Variants in RAC2 observed in about 807,000 individuals in gnomAD.
The protein encoded by RAC2 is Rac family small GTPase 2.
Under a neutral mutation model 24.0 loss-of-function variants are expected in RAC2, and 1 was observed. The ratio of observed to expected loss-of-function variants is 0.04; its 90% CI spans 0.01 to 0.20. The LOEUF (loss-of-function observed/expected upper bound fraction) is 0.20. Among genes scored for constraint, RAC2 ranks in the 10% least tolerant of loss-of-function variants. The pLI is 1.00. For synonymous variants in RAC2, 114 were observed against 106.8 expected (o/e 1.07, Z -0.41); for missense variants, 130 against 259.1 (o/e 0.50, Z 3.42).
rs1234797866 is a variant in RAC2, at chr22:37,232,278, G to A, written c.226-284C>T. 7.6e-6 allele frequency: 4 copies of A among 528,382 alleles called. No homozygotes were observed. In the East Asian group the frequency reaches 1.4e-4, roughly 18 times the overall value. 32.7% of individuals were successfully genotyped at this position (528,382 alleles called of 1,614,324 possible). On this transcript the variant is annotated intron_variant, in intron 3 of 6. Transcript: ENST00000249071. ...GCCCCATTCCTCAGACAGGGAAAGT[G>A]AGGCTTCCAGAGGTTAAAGAGTTTG...
intron 3 of RAC2, chr22:37,232,537 C>G (rs1927097671): frequency 1.9e-6 from 1 of 523,212 alleles, no homozygotes; most frequent in Non-Finnish European, 3.5e-6. Context: ...ACCTGCCCCA[C>G]CACTGGAAAC....
In RAC2 at chr22:37,226,730, C is replaced by T. The variant is rs766780288; in HGVS notation, c.522G>A (p.Arg174=). 4 of 1,613,146 alleles carry T rather than the reference C, an allele frequency of 2.5e-6. No homozygotes were observed. The highest frequency in any genetic ancestry group is 4.5e-5 in the East Asian group (2 of 44,870). The part of the protein sequence containing the change: ...GLKTVFDEAI[R]AVLCPQPTRQ... The stretch of plus-strand genomic sequence containing the variant: ...GCGTGGGCTGAGGGCACAGCACGGC[C>T]CGGATGGCCTCGTCGAACACGGTTT... Residue 174 remains arginine (R), a synonymous_variant, in exon 6 of 7, where the codon CGG becomes CGA. Transcript: ENST00000249071.
intron 2 of RAC2, among the ~76,000 whole-genome samples, chr22:37,234,780 C>G (rs1295636286): frequency 6.6e-6 from 1 of 152,202 alleles, no homozygotes; most frequent in Non-Finnish European, 1.5e-5. Context: ...GGCTGCCCAG[C>G]CCTCCAAGCC....
chr22:37,244,071 C>T, intron 1 of RAC2, 43 bp downstream of exon 1: 2 of 1,613,298 alleles, frequency 1.2e-6, no homozygotes, highest in Non-Finnish European at 8.5e-7. Flanking sequence ...GATCTCAGGG[C>T]ATCCCAGTTG....
intron 5 of RAC2, among the ~76,000 whole-genome samples, chr22:37,228,306 A>G (rs921349315): frequency 3.3e-5 from 5 of 152,224 alleles, no homozygotes; most frequent in African/African-American, 1.2e-4. Context: ...AAGACCCCTC[A>G]GGGCTAGAGC....
In RAC2 at chr22:37,230,512, G is replaced by A. The variant is rs77225760; in HGVS notation, c.448+719C>T. Reference sequence around the variant, plus strand: ...GCATGAAGCCAGACCCATGGTCATCGCCTCCCTGATGCAGGCAGCCCTGAG... The same window carrying A: ...GCATGAAGCCAGACCCATGGTCATCACCTCCCTGATGCAGGCAGCCCTGAG... On this transcript the variant is annotated intron_variant, in intron 5 of 6. Coordinates refer to ENST00000249071, the MANE Select transcript of RAC2 (RefSeq NM_002872.5). Among the ~76,000 whole-genome samples the A allele has an allele frequency of 5.7e-3, 868 of 152,190 alleles. 8 individuals are homozygous for A. Among genetic ancestry groups the A allele is most frequent in the African/African-American group, 0.02 (821 of 41,514 alleles).
chr22:37,231,492 C>T lies in RAC2; in HGVS notation c.289-102G>A. On this transcript the variant is annotated intron_variant, in intron 4 of 6. Coordinates refer to ENST00000249071, the MANE Select transcript of RAC2 (RefSeq NM_002872.5). The surrounding 1 kb of genome is among the most constrained non-coding windows in gnomAD (Gnocchi z 5.5). ...TGTGAGGGTGTAGGGAGAGGAGAGG[C>T]AGCAAGTTGCCAGAAGATCAGAGGT... 2 of 1,147,628 alleles carry T rather than the reference C, an allele frequency of 1.7e-6. No individual in the cohort carries two copies. The highest frequency in any genetic ancestry group is 2.6e-5 in the South Asian group (2 of 77,120). The allele number at this position is 1,147,628 out of a possible 1,614,324, so 71.1% of individuals were successfully genotyped here. A position where few individuals can be genotyped will look rare whatever the true frequency, so the allele number is the denominator to read the frequency against.
intron 5 of RAC2, among the ~76,000 whole-genome samples, chr22:37,229,881 G>A (rs1341268526): frequency 6.6e-6 from 1 of 152,180 alleles, no homozygotes; most frequent in East Asian, 1.9e-4. Context: ...TCAGAGCCAG[G>A]ACCAGAATCC....
At chr22:37,240,526 G>A (rs969247387) in intron 2 of RAC2, among the ~76,000 whole-genome samples, 3 of 150,176 alleles carry the variant, frequency 2.0e-5, no homozygotes, top group South Asian at 2.1e-4. Flanking sequence ...GGCTATGATC[G>A]ATCTTCCTGT....
chr22:37,229,738 G>C (rs1477011438), intron 5 of RAC2, among the ~76,000 whole-genome samples: 1 of 152,226 alleles, frequency 6.6e-6, no homozygotes, highest in Non-Finnish European at 1.5e-5. Context: ...AGAGGCCAAG[G>C]CAAGAACTCT....
intron 5 of RAC2, among the ~76,000 whole-genome samples, chr22:37,230,105 G>T (rs1171146375): frequency 1.3e-5 from 2 of 152,174 alleles, no homozygotes; most frequent in Non-Finnish European, 2.9e-5. Flanking sequence ...GTGGCCCTAG[G>T]ACAGGGGAAG....
At chr22:37,237,489 G>T (rs1033948045) in intron 2 of RAC2, among the ~76,000 whole-genome samples, 4 of 152,120 alleles carry the variant, frequency 2.6e-5, no homozygotes, top group African/African-American at 9.7e-5. Context: ...ACACACAGCG[G>T]CAGGAGCAGG....
In RAC2 at chr22:37,231,621, G is replaced by A. The variant is rs528903593; in HGVS notation, c.289-231C>T. ...GCATGATTGTAGGAAAGGAGGAGGC[G>A]AGGTTTTGTGCAGACATAAGAAGCA... is the stretch of plus-strand genomic sequence containing the variant. On this transcript the variant is annotated intron_variant, in intron 4 of 6. Transcript: ENST00000249071. The surrounding 1 kb of genome is among the most constrained non-coding windows in gnomAD (Gnocchi z 5.5). 27 of 605,270 alleles carry A rather than the reference G, an allele frequency of 4.5e-5. No homozygotes were observed. The highest frequency in any genetic ancestry group is 1.5e-4 in the Admixed American group (5 of 34,276). The allele number at this position is 605,270 out of a possible 1,614,324, so 37.5% of individuals were successfully genotyped here. A position where few individuals can be genotyped will look rare whatever the true frequency, so the allele number is the denominator to read the frequency against.
intron 3 of RAC2, 136 bp downstream of exon 3, chr22:37,232,665 G>T: frequency 1.4e-6 from 1 of 726,612 alleles, no homozygotes. Flanking sequence ...GGACATGCAA[G>T]GCAGGCAGAC....
At chr22:37,240,820 A>G in intron 2 of RAC2, 1 of 573,700 alleles carries the variant, frequency 1.7e-6, no homozygotes, top group East Asian at 2.9e-5. Flanking sequence ...TGTGGGGAGA[A>G]AAAGCACTAT....
chr22:37,227,842 C>T (rs541397475), intron 5 of RAC2, among the ~76,000 whole-genome samples: 10 of 152,042 alleles, frequency 6.6e-5, no homozygotes, highest in African/African-American at 7.3e-5. Flanking sequence ...TAATAGCGAG[C>T]GTGAACTCAG....
intron 2 of RAC2, chr22:37,241,025 G>A: frequency 1.4e-6 from 1 of 717,552 alleles, no homozygotes. Context: ...AGGAGTGATG[G>A]GGACCCCTGA....
chr22:37,230,226 A>T (rs953560364), intron 5 of RAC2, among the ~76,000 whole-genome samples: 3 of 132,366 alleles, frequency 2.3e-5, no homozygotes, highest in Non-Finnish European at 4.8e-5. Flanking sequence ...CTGTGAAGAG[A>T]TGTGAGTCCC....
chr22:37,244,254 G>T lies in RAC2; in HGVS notation c.-106C>A, dbSNP rs1002870189. 8 of 1,292,526 alleles carry T rather than the reference G, an allele frequency of 6.2e-6. No homozygotes were observed. Among genetic ancestry groups the T allele is most frequent in the African/African-American group, 1.5e-5 (1 of 68,120 alleles). The allele number at this position is 1,292,526 out of a possible 1,614,324, so 80.1% of individuals were successfully genotyped here. A position where few individuals can be genotyped will look rare whatever the true frequency, so the allele number is the denominator to read the frequency against. On this transcript the variant is annotated 5_prime_UTR_variant, in exon 1 of 7. Coordinates refer to ENST00000249071, the MANE Select transcript of RAC2 (RefSeq NM_002872.5). ...GGTGAGGCGCCTGCTGAGGAGCAGC[G>T]GTGGTGGGGCAGGAGGAAACGGAAG...
Sources: gnomAD v4.1 joint callset for allele counts (sites outside exome capture counted in the v4.1 genomes callset) on GRCh38, gnomAD v4.1.1 for gene constraint, Gnocchi (gnomAD v3.1) non-coding constraint, MANE v1.5 for transcripts, NCBI Gene and HGNC (gene_info 2026-07-23, HGNC 2026-07-21) for gene names.